ZFAND6: variants seen among roughly 807,000 people sequenced by gnomAD.
The protein encoded by ZFAND6 is zinc finger AN1-type containing 6.
A neutral mutation model predicts 24.5 loss-of-function variants in ZFAND6; 12 were observed. The ratio of observed to expected loss-of-function variants is 0.49; its 90% CI spans 0.31 to 0.79. The LOEUF is 0.79. ZFAND6 is among the 30% of genes least tolerant of loss of function. ZFAND6 has a pLI of 0.04. For synonymous variants in ZFAND6, 92 were observed against 81.5 expected (o/e 1.13, Z -0.69); for missense variants, 207 against 245.9 (o/e 0.84, Z 1.06).
rs533774838 is a variant in ZFAND6, at chr15:80,062,187, A to T, written c.-181+2378A>T. 4.6e-5 allele frequency among the ~76,000 whole-genome samples: 7 copies of T among 152,314 alleles called. No homozygotes were observed. In the South Asian group the frequency reaches 1.5e-3, roughly 32 times the overall value. ...TACTTAAAAATTTCTCTTGTGCCTT[A>T]GCATACTCATGTAAAAGAAACTTGT... is the stretch of plus-strand genomic sequence containing the variant. On this transcript the variant is annotated intron_variant, in intron 1 of 6. Transcript: ENST00000261749.
intron 1 of ZFAND6, chr15:80,060,329 G>A (rs2141758444): frequency 6.6e-6 from 1 of 152,300 alleles, no homozygotes; most frequent in Middle Eastern, 3.4e-3. Context: ...CTCCTGACTG[G>A]CACCGGGAAG....
chr15:80,135,859 C>T lies in ZFAND6; in HGVS notation c.479-1621C>T, dbSNP rs1427236255. Among the ~76,000 whole-genome samples, 4 of 152,318 alleles carry T rather than the reference C, an allele frequency of 2.6e-5. No homozygotes were observed. In the East Asian group the frequency reaches 7.7e-4, roughly 29 times the overall value. ...ATACAAACATGGCCCAGTGCAGTGT[C>T]TCACACCTGTATTCCCAGCACTGGG... On this transcript the variant is annotated intron_variant, in intron 6 of 6. Transcript: ENST00000261749.
At chr15:80,071,722 A>C (rs938466126) in intron 1 of ZFAND6, among the ~76,000 whole-genome samples, 5 of 151,466 alleles carry the variant, frequency 3.3e-5, no homozygotes, top group African/African-American at 1.2e-4. Flanking sequence ...GAAGTTATGG[A>C]GTGCAAAGTA....
rs187578415 is a variant in ZFAND6, at chr15:80,105,555, A to G, written c.-18+6977A>G. Among the ~76,000 whole-genome samples the G allele has an allele frequency of 2.6e-4, 40 of 152,290 alleles. 1 individual carries two copies. Among genetic ancestry groups the G allele is most frequent in the African/African-American group, 8.2e-4 (34 of 41,548 alleles). Reference sequence around the variant, plus strand: ...TATATTGCAACTTACGGGTTAAAGTATTTTCACAATCACCGTCCCAGTTGA... The same window carrying G: ...TATATTGCAACTTACGGGTTAAAGTGTTTTCACAATCACCGTCCCAGTTGA... On this transcript the variant is annotated intron_variant, in intron 2 of 6. Coordinates refer to ENST00000261749, the MANE Select transcript of ZFAND6 (RefSeq NM_019006.4).
intron 2 of ZFAND6, among the ~76,000 whole-genome samples, chr15:80,108,645 C>T (rs974590152): frequency 1.3e-5 from 2 of 152,140 alleles, no homozygotes; most frequent in Non-Finnish European, 2.9e-5. Flanking sequence ...CTAAATTAGT[C>T]ACATTGCTAA....
chr15:80,090,771 G>T (rs1278663216), intron 1 of ZFAND6, among the ~76,000 whole-genome samples: 2 of 152,284 alleles, frequency 1.3e-5, no homozygotes, highest in East Asian at 1.9e-4. Context: ...TATATAAAAA[G>T]ACAAATAGCA....
intron 1 of ZFAND6, among the ~76,000 whole-genome samples, chr15:80,092,957 ATT>A (rs34614890): frequency 4.2e-4 from 60 of 141,968 alleles, no homozygotes; most frequent in Non-Finnish European, 4.2e-4. Context: ...GGCTACTACA[ATT>A]TTTTTTTTTT....
intron 1 of ZFAND6, among the ~76,000 whole-genome samples, chr15:80,062,395 A>G (rs953689419): frequency 6.6e-6 from 1 of 152,186 alleles, no homozygotes; most frequent in Non-Finnish European, 1.5e-5. Flanking sequence ...CCATATTTAA[A>G]TATGTTTTAG....
chr15:80,091,215 C>A (rs979819238), intron 1 of ZFAND6, among the ~76,000 whole-genome samples: 19 of 151,564 alleles, frequency 1.3e-4, no homozygotes, highest in African/African-American at 4.6e-4. Flanking sequence ...TGTAGTTTCT[C>A]ACCCTATTAG....
intron 2 of ZFAND6, among the ~76,000 whole-genome samples, chr15:80,101,798 T>TG (rs2039047948): frequency 6.7e-6 from 1 of 149,810 alleles, no homozygotes; most frequent in Admixed American, 6.6e-5. Context: ...AGTGTTTTTT[T>TG]TTTTTTTTTT....
At chr15:80,097,124 C>G (rs549402142) in intron 1 of ZFAND6, among the ~76,000 whole-genome samples, 122 of 151,688 alleles carry the variant, frequency 8.0e-4, no homozygotes, top group Non-Finnish European at 1.2e-3. Context: ...CTCAGCCCCT[C>G]TAGTAGCTGG....
At chr15:80,059,181 G>A (rs1222032229), upstream of ZFAND6, among the ~76,000 whole-genome samples, 1 of 152,224 alleles carries the variant, frequency 6.6e-6, no homozygotes, top group African/African-American at 2.4e-5. Flanking sequence ...CTGAGGCGCC[G>A]GCCTGCATGG....
At chr15:80,105,248 T>C (rs1470922544) in intron 2 of ZFAND6, among the ~76,000 whole-genome samples, 1 of 152,326 alleles carries the variant, frequency 6.6e-6, no homozygotes, top group Middle Eastern at 3.4e-3. Context: ...TTATAAACTT[T>C]TGAGAGGAGG....
intron 1 of ZFAND6, among the ~76,000 whole-genome samples, chr15:80,070,558 G>A (rs1276051349): frequency 6.6e-6 from 1 of 152,144 alleles, no homozygotes; most frequent in Non-Finnish European, 1.5e-5. Flanking sequence ...TCATCTTGAT[G>A]TTCTTTCAAG....
At chr15:80,112,750 A>G (rs1328463756) in intron 2 of ZFAND6, 1 of 455,784 alleles carries the variant, frequency 2.2e-6, no homozygotes, top group Non-Finnish European at 4.4e-6. Flanking sequence ...ACCATCCCTC[A>G]TGTCTCTTTA....
chr15:80,092,420 A>G (rs2038437466), intron 1 of ZFAND6, among the ~76,000 whole-genome samples: 1 of 152,144 alleles, frequency 6.6e-6, no homozygotes. Context: ...CGGGCGACAG[A>G]GTGAGACTCT....
intron 5 of ZFAND6, chr15:80,129,864 A>T (rs1202963101): frequency 6.6e-6 from 1 of 152,266 alleles, no homozygotes; most frequent in Non-Finnish European, 1.5e-5. Context: ...GGGCATAGAA[A>T]GAGTATTTTG....
At chr15:80,113,828 T>TG (rs2039731190) in intron 2 of ZFAND6, among the ~76,000 whole-genome samples, 1 of 142,880 alleles carries the variant, frequency 7.0e-6, no homozygotes, top group African/African-American at 2.6e-5. Context: ...GGGAACAGAG[T>TG]TGTATACCAG....
intron 1 of ZFAND6, among the ~76,000 whole-genome samples, chr15:80,098,198 T>C (rs1436798881): frequency 6.6e-6 from 1 of 152,214 alleles, no homozygotes; most frequent in Admixed American, 6.5e-5. Flanking sequence ...CTTACTCACC[T>C]AGTCTGTGGC....
Sources: gnomAD v4.1 joint callset for allele counts (sites outside exome capture counted in the v4.1 genomes callset) on GRCh38, gnomAD v4.1.1 for gene constraint, MANE v1.5 for transcripts, NCBI Gene and HGNC (gene_info 2026-07-23, HGNC 2026-07-21) for gene names.